BRF1: variants seen among roughly 807,000 people sequenced by gnomAD.
The protein encoded by BRF1 is BRF1 general transcription factor IIIB subunit.
In BRF1, 59 loss-of-function variants were observed where a neutral mutation model predicts 81.7. That is an observed-to-expected ratio of 0.72 (90% CI 0.59 to 0.90). The LOEUF (loss-of-function observed/expected upper bound fraction) is 0.90. BRF1 is among the 40% of genes least tolerant of loss of function. BRF1 has a pLI of 0.00. For synonymous variants in BRF1, 491 were observed against 395.6 expected, an observed-to-expected ratio of 1.24 and a Z score of -2.86; for missense variants, 1,050 against 936.3, an observed-to-expected ratio of 1.12 and a Z score of -1.58.
chr14:105,219,651 G>A (rs1055961228), intron 12 of BRF1: 3 of 398,812 alleles, frequency 7.5e-6, no homozygotes, highest in South Asian at 4.2e-5. Context: ...CTGACAGAGG[G>A]CAAGTATATT....
chr14:105,220,165 C>T, intron 11 of BRF1, 35 bp from the exon 12 acceptor site: 3 of 1,612,332 alleles, frequency 1.9e-6, no homozygotes, highest in African/African-American at 1.3e-5. Context: ...TCACTCAGGG[C>T]CAGCACTGAT....
At chr14:105,297,018 C>T (rs1407298673) in intron 1 of BRF1, among the ~76,000 whole-genome samples, 7 of 149,852 alleles carry the variant, frequency 4.7e-5, no homozygotes, top group African/African-American at 7.4e-5. Flanking sequence ...ATTAGCCAGG[C>T]GTGGTGGTGG....
chr14:105,226,830 G>T, intron 7 of BRF1, 70 bp from the exon 8 acceptor site: 1 of 1,604,380 alleles, frequency 6.2e-7, no homozygotes, highest in Non-Finnish European at 8.5e-7. Context: ...CTGAGCTTTC[G>T]CCTGGGCGTG....
Position 105,271,927 on chromosome 14 carries a change from CTGCAGT to C in BRF1, c.439+788_439+793del, listed in dbSNP as rs1332663222. Among the ~76,000 whole-genome samples, 15 of 16,252 alleles carry C rather than the reference CTGCAGT, an allele frequency of 9.2e-4. No homozygotes were observed. The highest frequency in any genetic ancestry group is 7.9e-3 in the South Asian group (4 of 508). 10.7% of individuals were successfully genotyped at this position (16,252 alleles called of 152,430 possible). Reference sequence around the variant, plus strand: ...GGTCGGCGGCCTCCCCGCCCACCGCCTGCAGTCACGGTGTCCACGCACAAGGCCAAG... The same window carrying C: ...GGTCGGCGGCCTCCCCGCCCACCGCCCACGGTGTCCACGCACAAGGCCAAG... On this transcript the variant is annotated intron_variant, in intron 3 of 17. Transcript: ENST00000547530. The surrounding 1 kb of genome is among the most constrained non-coding windows in gnomAD (Gnocchi z 5.5).
At position 105,272,809 on chromosome 14, in the gene BRF1, G is replaced by C. The variant is rs766490421; in HGVS notation, c.351C>G (p.Ala117=). Residue 117 remains alanine (A), a synonymous_variant, in exon 3 of 18, where the codon GCC becomes GCG. Coordinates refer to ENST00000547530, the MANE Select transcript of BRF1 (RefSeq NM_001519.4). ...LDTAFNFFKM[A]VSRHLTRGRK... is the part of the protein sequence containing the mutation. ...GGCCGCGGGTCAGGTGCCTGCTCAC[G>C]GCCATCTTGAAGAAGTTGAAGGCGG... 3 of 1,613,914 alleles carry C rather than the reference G, an allele frequency of 1.9e-6. No homozygotes were observed. Among genetic ancestry groups the C allele is most frequent in the South Asian group, 1.1e-5 (1 of 91,088 alleles).
chr14:105,229,091 C>G (rs587682952), intron 6 of BRF1, among the ~76,000 whole-genome samples, 178 bp from the exon 7 acceptor site: 14 of 151,442 alleles, frequency 9.2e-5, no homozygotes, highest in Non-Finnish European at 1.9e-4. Context: ...ATGACCCTCT[C>G]TATCTTATTG....
chr14:105,279,602 C>T, intron 2 of BRF1, among the ~76,000 whole-genome samples: 1 of 152,208 alleles, frequency 6.6e-6, no homozygotes, highest in East Asian at 1.9e-4. Context: ...ACACTGCTTC[C>T]TGGTGGGAAC....
upstream of BRF1, among the ~76,000 whole-genome samples, chr14:105,302,578 T>C (rs940944341): frequency 6.6e-6 from 1 of 152,054 alleles, no homozygotes; most frequent in Non-Finnish European, 1.5e-5. Flanking sequence ...GTTCCCTTTT[T>C]CTAGTTTCTT....
chr14:105,289,148 ACCAGCCTGGACAACATAGCAAGATC>A (rs2140493739), intron 1 of BRF1, among the ~76,000 whole-genome samples: 1 of 152,012 alleles, frequency 6.6e-6, no homozygotes, highest in South Asian at 2.1e-4. Flanking sequence ...GGAGTTCAAG[ACCAGCCTGGACAACATAGCAAGATC>A]CCATCTCTAC....
intron 3 of BRF1, among the ~76,000 whole-genome samples, chr14:105,267,246 A>G (rs1189674140): frequency 6.6e-6 from 1 of 151,854 alleles, no homozygotes; most frequent in African/African-American, 2.4e-5. Flanking sequence ...AGGGGCCCAC[A>G]TGGGCCCACG....
At chr14:105,250,396 C>G (rs139399681) in intron 5 of BRF1, 15 of 1,613,686 alleles carry the variant, frequency 9.3e-6, no homozygotes, top group African/African-American at 2.7e-5. Context: ...TCAAGCGGCT[C>G]GGGGTGGTTC....
chr14:105,222,054 A>G, intron 10 of BRF1, 140 bp from the exon 11 acceptor site: 1 of 1,112,052 alleles, frequency 9.0e-7, no homozygotes, highest in Non-Finnish European at 1.2e-6. Context: ...GGTGCCAAAG[A>G]ACGAGCCTCA....
In BRF1 at chr14:105,250,498, C is replaced by T. The variant is rs765156467; in HGVS notation, c.544+2009G>A. 3.1e-6 allele frequency: 5 copies of T among 1,614,028 alleles called. No homozygotes were observed. The East Asian group carries it at 6.7e-5, about 22-fold the overall frequency. ...ACCCGGTCCAGGTTGAACAAGACAC[C>T]TTCTACACGGCCAGTGCCGTCCTGG... On this transcript the variant is annotated intron_variant, in intron 5 of 17. Coordinates refer to ENST00000547530, the MANE Select transcript of BRF1 (RefSeq NM_001519.4).
At chr14:105,289,618 T>C (rs761273937) in intron 1 of BRF1, among the ~76,000 whole-genome samples, 3 of 152,192 alleles carry the variant, frequency 2.0e-5, no homozygotes, top group Non-Finnish European at 4.4e-5. Flanking sequence ...CTCAGAGTTC[T>C]TTGTTTTGTG....
chr14:105,311,420 C>T (rs760684886), intron 1 of BRF1, among the ~76,000 whole-genome samples: 1 of 151,954 alleles, frequency 6.6e-6, no homozygotes, highest in Non-Finnish European at 1.5e-5. Context: ...TGCCCAGGTA[C>T]GTTTTTGTAT....
At chr14:105,283,416 G>C (rs916559376) in intron 2 of BRF1, among the ~76,000 whole-genome samples, 3 of 152,134 alleles carry the variant, frequency 2.0e-5, no homozygotes, top group Non-Finnish European at 2.9e-5. Context: ...GATCAGCATA[G>C]GGTCCCCCAG....
intron 5 of BRF1, chr14:105,249,782 G>T: frequency 6.2e-7 from 1 of 1,613,844 alleles, no homozygotes; most frequent in Non-Finnish European, 8.5e-7. Context: ...GAACGCCTGC[G>T]TCCTGCTGTC....
At chr14:105,259,890 G>A (rs1007588195) in intron 3 of BRF1, among the ~76,000 whole-genome samples, 9 of 152,026 alleles carry the variant, frequency 5.9e-5, no homozygotes, top group African/African-American at 1.7e-4. Context: ...CAGCCTGGGC[G>A]ACAGAGCTAC....
At chr14:105,226,807 C>T (rs146069298) in intron 7 of BRF1, 47 bp from the exon 8 acceptor site, 1 of 1,611,706 alleles carries the variant, frequency 6.2e-7, no homozygotes, top group African/African-American at 1.3e-5. Flanking sequence ...GCTCTGAAAC[C>T]AGCTGTTTAA....
Sources: gnomAD v4.1 joint callset for allele counts (sites outside exome capture counted in the v4.1 genomes callset) on GRCh38, gnomAD v4.1.1 for gene constraint, Gnocchi (gnomAD v3.1) non-coding constraint, MANE v1.5 for transcripts, NCBI Gene and HGNC (gene_info 2026-07-23, HGNC 2026-07-21) for gene names.